Variants in TRPM2 observed in about 807,000 individuals in gnomAD.
TRPM2 encodes transient receptor potential cation channel subfamily M member 2.
A neutral mutation model predicts 174.0 loss-of-function variants in TRPM2; 161 were observed. The observed-to-expected ratio is 0.93, with a 90% CI of 0.81 to 1.05. The LOEUF is 1.05. Ranked by LOEUF, TRPM2 falls within the 50% of genes least tolerant of loss-of-function variation. TRPM2 has a pLI of 0.00. For synonymous variants in TRPM2, 954 were observed against 861.3 expected, an observed-to-expected ratio of 1.11 and a Z score of -1.88; for missense variants, 2,057 against 2,038.0, an observed-to-expected ratio of 1.01 and a Z score of -0.18.
chr21:44,371,180 C>T (rs62218764), intron 5 of TRPM2, among the ~76,000 whole-genome samples: 19,679 of 152,056 alleles, frequency 0.13, 1,584 homozygotes, highest in Non-Finnish European at 0.16. Context: ...GTGCTGATGG[C>T]ATTCCCTGGC....
Position 44,432,698 on chromosome 21 carries a change from G to T in TRPM2, c.3975-2433G>T, listed in dbSNP as rs2051068667. On this transcript the variant is annotated intron_variant, in intron 27 of 31. Coordinates refer to ENST00000397928, the MANE Select transcript of TRPM2 (RefSeq NM_003307.4). The surrounding 1 kb of genome is among the most constrained non-coding windows in gnomAD (Gnocchi z 4.9). ...CCTCTTTCGAATCCACTCCACTTGG[G>T]CTTTGCTTGCCCCCTCTTTCTGAGA... Among the ~76,000 whole-genome samples, 1 of 152,168 alleles carries T rather than the reference G, an allele frequency of 6.6e-6. No homozygotes were observed. The highest frequency in any genetic ancestry group is 1.5e-5 in the Non-Finnish European group (1 of 68,040).
At chr21:44,377,964 A>G (rs1280392017) in intron 7 of TRPM2, among the ~76,000 whole-genome samples, 191 bp downstream of exon 7, 1 of 152,160 alleles carries the variant, frequency 6.6e-6, no homozygotes, top group Non-Finnish European at 1.5e-5. Context: ...GGGTCGGAGG[A>G]AGGTGCCTGG....
At chr21:44,426,050 G>T (rs565412356) in intron 25 of TRPM2, among the ~76,000 whole-genome samples, 20 of 152,262 alleles carry the variant, frequency 1.3e-4, no homozygotes, top group Non-Finnish European at 2.5e-4. Context: ...GGGCCTGAGG[G>T]GGGCACACTG....
chr21:44,436,919 A>T (rs1402753548), intron 28 of TRPM2, 143 bp from the exon 29 acceptor site: 2 of 642,772 alleles, frequency 3.1e-6, no homozygotes, highest in Non-Finnish European at 2.7e-6. Flanking sequence ...TTCCCTGGGG[A>T]TGAAGAACTT....
At chr21:44,434,116 T>A (rs900980348) in intron 27 of TRPM2, among the ~76,000 whole-genome samples, 2 of 150,578 alleles carry the variant, frequency 1.3e-5, no homozygotes, top group Non-Finnish European at 3.0e-5. Flanking sequence ...GTCTAGGCTG[T>A]GGGGAGAGGA....
In TRPM2 at chr21:44,401,892, C is replaced by G. The variant is rs747869534; in HGVS notation, c.2533C>G (p.Arg845Gly). 6.2e-7 allele frequency: 1 copy of G among 1,613,608 alleles called. No individual in the cohort carries two copies. The highest frequency in any genetic ancestry group is 2.2e-5 in the East Asian group (1 of 44,864). The part of the protein sequence containing the change: ...WLFSLVCEEM[R>G]QLFYDPDECG... ...CTTCTCCTTGGTGTGCGAGGAGATG[C>G]GGCAGGTACAGCCCCACCCGCTTTT... The change falls in exon 16 of 32, where the codon CGG (arginine) becomes GGG (glycine). Residue 845 changes from arginine (R) to glycine (G), a missense_variant. Physicochemically the swap from Arg to Gly is moderately radical, Grantham distance 125 (BLOSUM62 -2). Transcript: ENST00000397928.
chr21:44,422,314 A>G, intron 22 of TRPM2: 1 of 1,536,034 alleles, frequency 6.5e-7, no homozygotes, highest in Non-Finnish European at 8.7e-7. Flanking sequence ...TCTGTCTGCA[A>G]ATCTAGACAG....
Position 44,367,413 on chromosome 21 carries a change from A to G in TRPM2, c.604+479A>G, listed in dbSNP as rs2048393436. Among the ~76,000 whole-genome samples the G allele has an allele frequency of 6.6e-6, 1 of 152,210 alleles. No homozygotes were observed. The highest frequency in any genetic ancestry group is 1.5e-5 in the Non-Finnish European group (1 of 68,036). On this transcript the variant is annotated intron_variant, in intron 4 of 31. Coordinates refer to ENST00000397928, the MANE Select transcript of TRPM2 (RefSeq NM_003307.4). The surrounding 1 kb of genome is among the most constrained non-coding windows in gnomAD (Gnocchi z 4.6). Reference sequence around the variant, plus strand: ...CGTGTTTTTCCATCAAAATCAGGGAAGGAGCATTATTATTTCCATCTCTTC... The same window carrying G: ...CGTGTTTTTCCATCAAAATCAGGGAGGGAGCATTATTATTTCCATCTCTTC...
chr21:44,440,718 G>A, intron 30 of TRPM2, 71 bp from the exon 31 acceptor site: 1 of 1,322,118 alleles, frequency 7.6e-7, no homozygotes, highest in Non-Finnish European at 1.1e-6. Flanking sequence ...TCAGGGTGGA[G>A]GGCACGAGGT....
intron 5 of TRPM2, among the ~76,000 whole-genome samples, chr21:44,370,670 G>A (rs111671335): frequency 6.6e-6 from 1 of 152,230 alleles, no homozygotes; most frequent in Admixed American, 6.5e-5. Flanking sequence ...GCCCACGAGG[G>A]GCCCAGCAAG....
At chr21:44,440,724 G>A (rs1450511434) in intron 30 of TRPM2, 65 bp from the exon 31 acceptor site, 19 of 1,402,356 alleles carry the variant, frequency 1.4e-5, no homozygotes, top group Non-Finnish European at 1.9e-5. Context: ...TGGAGGGCAC[G>A]AGGTGGGCCG....
At chr21:44,371,785 C>A (rs1156287826) in intron 5 of TRPM2, among the ~76,000 whole-genome samples, 1 of 152,204 alleles carries the variant, frequency 6.6e-6, no homozygotes, top group Non-Finnish European at 1.5e-5. Flanking sequence ...CTGCGGTCCT[C>A]CCTCTGACCT....
intron 3 of TRPM2, among the ~76,000 whole-genome samples, chr21:44,364,972 A>T (rs1052070370): frequency 2.0e-5 from 3 of 151,898 alleles, no homozygotes; most frequent in Non-Finnish European, 4.4e-5. Flanking sequence ...TTGCATGTTG[A>T]CCAGCCTTCT....
In TRPM2 at chr21:44,442,541, G is replaced by A. The variant is rs953576585; in HGVS notation, c.*724G>A. On this transcript the variant is annotated 3_prime_UTR_variant, in exon 32 of 32. Transcript: ENST00000397928. ...GCATGAGCAGGAGGCGGGGACGTGGGGGCCTTCTGGTTTGGTGTCAACAGC... is the reference window on the plus strand; with the variant it reads ...GCATGAGCAGGAGGCGGGGACGTGGAGGCCTTCTGGTTTGGTGTCAACAGC... 3.3e-5 allele frequency: 5 copies of A among 152,338 alleles called. No homozygotes were observed. The East Asian group carries it at 9.6e-4, about 29-fold the overall frequency. 9.4% of individuals were successfully genotyped at this position (152,338 alleles called of 1,614,324 possible).
Position 44,406,757 on chromosome 21 carries a change from A to G in TRPM2, c.2954A>G (p.Tyr985Cys), listed in dbSNP as rs199677360. The change falls in exon 19 of 32, where the codon TAC becomes TGC. Residue 985 changes from tyrosine to cysteine, a missense_variant. Coordinates refer to ENST00000397928, the MANE Select transcript of TRPM2 (RefSeq NM_003307.4). The stretch of plus-strand genomic sequence containing the variant: ...ACCATCTTCGGGCAGATCCCGGGCT[A>G]CATCGACGGTAGGAGCCGGGCGCCA... ...YLTIFGQIPG[Y>C]IDGVNFNPEH... 8.1e-6 allele frequency: 13 copies of G among 1,603,118 alleles called. No homozygotes were observed. In the African/African-American group the frequency reaches 1.3e-4, roughly 16 times the overall value.
At chr21:44,425,002 A>G in intron 24 of TRPM2, 63 bp downstream of exon 24, 1 of 1,413,818 alleles carries the variant, frequency 7.1e-7, no homozygotes, top group South Asian at 1.2e-5. Flanking sequence ...GTCTGGGGTC[A>G]GTTGGGAGGA....
At chr21:44,426,127 T>G (rs2050764445) in intron 25 of TRPM2, among the ~76,000 whole-genome samples, 1 of 118,774 alleles carries the variant, frequency 8.4e-6, no homozygotes, top group African/African-American at 3.2e-5. Flanking sequence ...CCCGGCCCCA[T>G]TCCCCCAGGT....
At position 44,418,084 on chromosome 21, in the gene TRPM2, C is replaced by T. The variant is rs201505422; in HGVS notation, c.3304C>T (p.Pro1102Ser). 8.2e-5 allele frequency: 132 copies of T among 1,612,456 alleles called. No individual in the cohort carries two copies. The highest frequency in any genetic ancestry group is 3.3e-4 in the Middle Eastern group (2 of 6,060). ...CATCAAGAGGGTGGTCCTGAAGACT[C>T]CGGCCAAGAGGCACAAGCAGCTCAG... ...LFIKRVVLKT[P>S]AKRHKQLKNK... The change falls in exon 21 of 32, where the codon CCG (proline) becomes TCG (serine). Residue 1102 changes from proline to serine, a missense_variant. Transcript: ENST00000397928.
At chr21:44,440,691 C>A in intron 30 of TRPM2, 98 bp from the exon 31 acceptor site, 1 of 1,007,396 alleles carries the variant, frequency 9.9e-7, no homozygotes, top group East Asian at 2.4e-5. Flanking sequence ...GTGCTGGAAG[C>A]TGTGCTCAGA....
Sources: gnomAD v4.1 joint callset for allele counts (sites outside exome capture counted in the v4.1 genomes callset) on GRCh38, gnomAD v4.1.1 for gene constraint, Gnocchi (gnomAD v3.1) non-coding constraint, MANE v1.5 for transcripts, NCBI Gene and HGNC (gene_info 2026-07-23, HGNC 2026-07-21) for gene names.